The following TNR variants were observed in gnomAD, a reference collection of about 807,000 sequenced individuals.
TNR encodes tenascin-R.
A neutral mutation model predicts 150.4 loss-of-function variants in TNR; 45 were observed. The ratio of observed to expected loss-of-function variants is 0.30; its 90% CI spans 0.24 to 0.38. The LOEUF (loss-of-function observed/expected upper bound fraction) is 0.38. Ranked by LOEUF, TNR falls within the 10% of genes least tolerant of loss-of-function variation. The pLI is 1.00. For synonymous variants in TNR, 687 were observed against 678.4 expected (o/e 1.01, Z -0.20); for missense variants, 1,544 against 1,759.1 (o/e 0.88, Z 2.19).
chr1:175,406,588 G>C lies in TNR; in HGVS notation c.127C>G (p.Gln43Glu). The C allele has an allele frequency of 6.2e-7, 1 of 1,614,188 alleles. No individual in the cohort carries two copies. Among genetic ancestry groups the C allele is most frequent in the Non-Finnish European group, 8.5e-7 (1 of 1,180,040 alleles). The change falls in exon 3 of 23, where the codon CAG becomes GAG. Residue 43 changes from glutamine (Q) to glutamate (E), a missense_variant. Gln to Glu is a conservative substitution (Grantham distance 29, BLOSUM62 2). Transcript: ENST00000367674. ...LEVTTERVQR[Q>E]SVEEEGGIAN... ...ATGCCTCCCTCCTCCTCCACTGACT[G>C]TCTCTGGACCCTTTCTGTGGTGACC...
At position 175,573,036 on chromosome 1, in the gene TNR, TA is replaced by T. The variant is rs1420319508; in HGVS notation, c.-164-44668del. ...AATATCTTGCGATTCATCCTGAAGC[TA>T]AATGCATTATATATCATCTTGTTTG... is the stretch of plus-strand genomic sequence containing the variant. On this transcript the variant is annotated intron_variant, in intron 1 of 22. Coordinates refer to ENST00000367674, the MANE Select transcript of TNR (RefSeq NM_003285.3). Among the ~76,000 whole-genome samples, 206 of 152,342 alleles carry T rather than the reference TA, an allele frequency of 1.4e-3. 2 individuals are homozygous for T. Among genetic ancestry groups the T allele is most frequent in the Non-Finnish European group, 3.8e-4 (26 of 68,026 alleles).
At chr1:175,386,746 T>C in intron 7 of TNR, among the ~76,000 whole-genome samples, 1 of 152,150 alleles carries the variant, frequency 6.6e-6, no homozygotes, top group East Asian at 1.9e-4. Flanking sequence ...GACTTCCAGA[T>C]TGGTTGCCAA....
chr1:175,590,945 C>G (rs1662774683), intron 1 of TNR, among the ~76,000 whole-genome samples: 2 of 152,152 alleles, frequency 1.3e-5, no homozygotes, highest in African/African-American at 4.8e-5. Flanking sequence ...GCAAGTCATA[C>G]AGGAAAAACA....
intron 18 of TNR, among the ~76,000 whole-genome samples, chr1:175,338,565 A>T (rs1392974235): frequency 1.3e-5 from 2 of 152,162 alleles, no homozygotes; most frequent in Non-Finnish European, 2.9e-5. Context: ...TGTAAATAGT[A>T]TGATCTTCTG....
intron 1 of TNR, among the ~76,000 whole-genome samples, chr1:175,552,465 T>C (rs1182366512): frequency 1.3e-5 from 2 of 152,200 alleles, no homozygotes; most frequent in Admixed American, 1.3e-4. Flanking sequence ...GTTATCTCGT[T>C]TGATCTTCCT....
In TNR at chr1:175,403,274, C is replaced by A; in HGVS notation, c.842G>T (p.Cys281Phe). The A allele has an allele frequency of 6.2e-7, 1 of 1,614,188 alleles. No homozygotes were observed. Among genetic ancestry groups the A allele is most frequent in the Non-Finnish European group, 8.5e-7 (1 of 1,180,028 alleles). ...SGKGRCANGT[C>F]LCEEGYVGED... Reference sequence around the variant, plus strand: ...ACCAACGTAGCCCTCCTCGCATAAACAGGTACCGTTGGCACATCTCCCCTT... The same window carrying A: ...ACCAACGTAGCCCTCCTCGCATAAAAAGGTACCGTTGGCACATCTCCCCTT... Residue 281 changes from cysteine to phenylalanine, a missense_variant, in exon 4 of 23, where the codon TGT becomes TTT. Transcript: ENST00000367674.
intron 2 of TNR, among the ~76,000 whole-genome samples, chr1:175,456,421 A>C (rs1225295062): frequency 6.6e-6 from 1 of 152,228 alleles, no homozygotes; most frequent in South Asian, 2.1e-4. Flanking sequence ...TCCCGTCACT[A>C]CAATGCAAGT....
chr1:175,387,848 G>T (rs377215806), intron 7 of TNR, among the ~76,000 whole-genome samples: 1 of 152,128 alleles, frequency 6.6e-6, no homozygotes, highest in East Asian at 1.9e-4. Context: ...CCTTTCCCTG[G>T]GTACCCCTCC....
At chr1:175,611,964 T>C (rs1271023056) in intron 1 of TNR, among the ~76,000 whole-genome samples, 1 of 152,252 alleles carries the variant, frequency 6.6e-6, no homozygotes, top group Non-Finnish European at 1.5e-5. Context: ...AATGTTTCCT[T>C]TTTTTAATCA....
intron 4 of TNR, 89 bp from the exon 5 acceptor site, chr1:175,396,896 C>G: frequency 1.3e-6 from 2 of 1,508,550 alleles, no homozygotes; most frequent in Non-Finnish European, 1.8e-6. Flanking sequence ...TCTCACCCCC[C>G]ATGCCATGTC....
Position 175,380,719 on chromosome 1 carries a change from C to T in TNR, c.1778-982G>A, listed in dbSNP as rs185902910. 2.0e-5 allele frequency among the ~76,000 whole-genome samples: 3 copies of T among 152,324 alleles called. No homozygotes were observed. The East Asian group carries it at 5.8e-4, about 29-fold the overall frequency. ...GGACACTGCTTTTTTTCTCCCAGGA[C>T]TGGCTATCTCCTCAAGCTGCTTTGG... On this transcript the variant is annotated intron_variant, in intron 8 of 22. Coordinates refer to ENST00000367674, the MANE Select transcript of TNR (RefSeq NM_003285.3).
intron 2 of TNR, among the ~76,000 whole-genome samples, chr1:175,451,478 C>T (rs1270786958): frequency 0.011 from 1 of 92 alleles, no homozygotes; most frequent in Non-Finnish European, 0.029. Flanking sequence ...AGAAGCCAGC[C>T]GCCAGCCTCC....
chr1:175,733,705 G>C (rs748313684), intron 1 of TNR, among the ~76,000 whole-genome samples: 2 of 152,030 alleles, frequency 1.3e-5, no homozygotes, highest in Non-Finnish European at 2.9e-5. Flanking sequence ...ACAGATCAGG[G>C]TCTGGATCAA....
chr1:175,540,068 T>C (rs1660442969), intron 1 of TNR, among the ~76,000 whole-genome samples: 1 of 152,142 alleles, frequency 6.6e-6, no homozygotes, highest in South Asian at 2.1e-4. Context: ...GACTAACAAA[T>C]CAGTCTCAGA....
rs778750389 is a variant in TNR, at chr1:175,386,148, G to A, written c.1661C>T (p.Pro554Leu). Residue 554 changes from proline (P) to leucine (L), a missense_variant, in exon 8 of 23, where the codon CCT (proline) becomes CTT (leucine). Transcript: ENST00000367674. Reference protein sequence around the residue: ...EGGRTTFRLQPPLSQYSVQAL... With the variant: ...EGGRTTFRLQLPLSQYSVQAL... The stretch of plus-strand genomic sequence containing the variant: ...CTGCACTGAGTATTGGCTCAGGGGA[G>A]GCTGCAGCCGGAAGGTGGTCCTCCC... 2.5e-6 allele frequency: 4 copies of A among 1,612,960 alleles called. No homozygotes were observed. Among genetic ancestry groups the A allele is most frequent in the Admixed American group, 1.7e-5 (1 of 59,966 alleles).
intron 18 of TNR, among the ~76,000 whole-genome samples, chr1:175,348,012 A>G (rs1340404996): frequency 6.6e-6 from 1 of 152,166 alleles, no homozygotes; most frequent in African/African-American, 2.4e-5. Flanking sequence ...TAAAAAAATT[A>G]ACGGAAACAA....
At chr1:175,571,195 G>A (rs528501291) in intron 1 of TNR, among the ~76,000 whole-genome samples, 12 of 152,054 alleles carry the variant, frequency 7.9e-5, no homozygotes, top group Non-Finnish European at 1.0e-4. Flanking sequence ...TCATAACATG[G>A]GACTGCTCCA....
At chr1:175,482,011 C>G (rs1277376008) in intron 2 of TNR, among the ~76,000 whole-genome samples, 2 of 152,216 alleles carry the variant, frequency 1.3e-5, no homozygotes, top group East Asian at 3.9e-4. Context: ...CACACCCTGC[C>G]TCGTGTTGTC....
chr1:175,338,103 A>G (rs1370477836), intron 18 of TNR, among the ~76,000 whole-genome samples: 2 of 152,226 alleles, frequency 1.3e-5, no homozygotes, highest in Non-Finnish European at 2.9e-5. Context: ...GCCAAAATAA[A>G]TCACTGCAGA....
Sources: allele counts gnomAD v4.1 joint callset (sites outside exome capture counted in the v4.1 genomes callset), GRCh38; gene constraint gnomAD v4.1.1; transcripts MANE v1.5; gene names NCBI Gene and HGNC (gene_info 2026-07-23, HGNC 2026-07-21).